The following GNG13 variants were observed in gnomAD, a reference collection of about 807,000 sequenced individuals.
GNG13 encodes the protein guanine nucleotide-binding protein G(I)/G(S)/G(O) subunit gamma-13.
Under a neutral mutation model 8.2 loss-of-function variants are expected in GNG13, and 12 were observed. The observed-to-expected ratio is 1.47, with a 90% CI of 0.94 to 2.38. The LOEUF is 2.38. Among genes scored for constraint, GNG13 ranks in the 30% most tolerant of loss-of-function variants. The probability of loss-of-function intolerance (pLI) is 0.00; values close to 1 mark genes in which losing one functional copy is unlikely to be tolerated. For missense variants in GNG13, 100 were observed against 85.2 expected (o/e 1.17, Z -0.68); for synonymous variants, 45 against 33.0 (o/e 1.37, Z -1.25).
At chr16:800,293 A>T (rs1188369998) in intron 1 of GNG13, among the ~76,000 whole-genome samples, 1 of 152,122 alleles carries the variant, frequency 6.6e-6, no homozygotes, top group Non-Finnish European at 1.5e-5. Context: ...GCGCAGGACT[A>T]GCTGCGTGCG....
rs114889606 is a variant in GNG13, at chr16:800,208, G to C, written c.-35+458C>G. Among the ~76,000 whole-genome samples the C allele has an allele frequency of 7.7e-3, 1,167 of 152,258 alleles. 16 individuals carry two copies. The highest frequency in any genetic ancestry group is 0.027 in the African/African-American group (1,135 of 41,546). On this transcript the variant is annotated intron_variant, in intron 1 of 2. Coordinates refer to ENST00000248150, the MANE Select transcript of GNG13 (RefSeq NM_016541.3). ...CAGAGGATTCCCTCCCGGAGACTCT[G>C]GAGTTCCAGCACCCCTACCCGCCCC...
chr16:798,677 C>G lies in GNG13; in HGVS notation c.*42G>C. ...ACAAGATGGTGGGAGTGGGGCCGGGCGTGGTCTCACAGGATGGTGTGAGAG... is the reference window on the plus strand; with the variant it reads ...ACAAGATGGTGGGAGTGGGGCCGGGGGTGGTCTCACAGGATGGTGTGAGAG... On this transcript the variant is annotated 3_prime_UTR_variant, in exon 3 of 3. Coordinates refer to ENST00000248150, the MANE Select transcript of GNG13 (RefSeq NM_016541.3). 2 of 1,159,132 alleles carry G rather than the reference C, an allele frequency of 1.7e-6. No homozygotes were observed. Among genetic ancestry groups the G allele is most frequent in the Non-Finnish European group, 2.6e-6 (2 of 772,640 alleles). 71.8% of individuals were successfully genotyped at this position (1,159,132 alleles called of 1,614,324 possible). A position where few individuals can be genotyped will look rare whatever the true frequency, so the allele number is the denominator to read the frequency against.
chr16:800,399 C>T (rs2042435894), intron 1 of GNG13, among the ~76,000 whole-genome samples: 1 of 152,172 alleles, frequency 6.6e-6, no homozygotes, highest in Non-Finnish European at 1.5e-5. Context: ...CCTGGCCACC[C>T]ACCCCGTGCA....
Position 798,794 on chromosome 16 carries a change from G to A in GNG13, c.129C>T (p.Pro43=). 2 of 1,612,580 alleles carry A rather than the reference G, an allele frequency of 1.2e-6. No individual in the cohort carries two copies. Among genetic ancestry groups the A allele is most frequent in the Non-Finnish European group, 1.7e-6 (2 of 1,179,130 alleles). ...ELLKWIEDGI[P]KDPFLNPDLM... Reference sequence around the variant, plus strand: ...GGTCGGGGTTCAGGAAGGGGTCCTTGGGGATCCCGTCCTCGATCCACTTCA... The same window carrying A: ...GGTCGGGGTTCAGGAAGGGGTCCTTAGGGATCCCGTCCTCGATCCACTTCA... The change falls in exon 3 of 3, where the codon CCC becomes CCT. Residue 43 remains proline (P), a synonymous_variant. Transcript: ENST00000248150.
intron 1 of GNG13, among the ~76,000 whole-genome samples, chr16:800,074 G>A (rs1400908160): frequency 7.3e-5 from 11 of 150,304 alleles, no homozygotes; most frequent in African/African-American, 2.5e-4. Context: ...TGGGGTCCCG[G>A]TGGTGAATTG....
In GNG13 at chr16:798,151, G is replaced by A; in HGVS notation, c.*568C>T. On this transcript the variant is annotated 3_prime_UTR_variant, in exon 3 of 3. Transcript: ENST00000248150. ...TGGGCTCATAGGATGGTGTGAGTGG[G>A]GCCAGGAGTGGGGCTCACAGGATGG... 1.2e-6 allele frequency: 1 copy of A among 836,594 alleles called. No individual in the cohort carries two copies. The allele number at this position is 836,594 out of a possible 1,614,324, so 51.8% of individuals were successfully genotyped here. A position where few individuals can be genotyped will look rare whatever the true frequency, so the allele number is the denominator to read the frequency against.
chr16:799,494 G>A (rs893649328), intron 1 of GNG13, among the ~76,000 whole-genome samples: 3 of 152,210 alleles, frequency 2.0e-5, no homozygotes, highest in African/African-American at 4.8e-5. Context: ...TGTGGGGCGA[G>A]GTCCTCAGGA....
chr16:799,256 G>C, intron 1 of GNG13, 145 bp from the exon 2 acceptor site: 1 of 603,888 alleles, frequency 1.7e-6, no homozygotes, highest in Non-Finnish European at 3.0e-6. Context: ...CCTAGGCGTT[G>C]CTAGGGTGCA....
Position 798,678 on chromosome 16 carries a change from G to T in GNG13, c.*41C>A. On this transcript the variant is annotated 3_prime_UTR_variant, in exon 3 of 3. Coordinates refer to ENST00000248150, the MANE Select transcript of GNG13 (RefSeq NM_016541.3). ...CAAGATGGTGGGAGTGGGGCCGGGC[G>T]TGGTCTCACAGGATGGTGTGAGAGG... 1 of 1,177,782 alleles carries T rather than the reference G, an allele frequency of 8.5e-7. No homozygotes were observed. The highest frequency in any genetic ancestry group is 1.3e-6 in the Non-Finnish European group (1 of 785,676). 73.0% of individuals were successfully genotyped at this position (1,177,782 alleles called of 1,614,324 possible). A position where few individuals can be genotyped will look rare whatever the true frequency, so the allele number is the denominator to read the frequency against.
rs533668099 is a variant in GNG13, at chr16:799,377, T to C, written c.-34-266A>G. On this transcript the variant is annotated intron_variant, in intron 1 of 2. Transcript: ENST00000248150. ...TACTCCCCCATAGGCCCCCACACCT[T>C]ACGAAGATCCCTTGCAGGCAGGAGA... is the stretch of plus-strand genomic sequence containing the variant. Among the ~76,000 whole-genome samples, 44 of 152,238 alleles carry C rather than the reference T, an allele frequency of 2.9e-4. 1 individual carries two copies. The highest frequency in any genetic ancestry group is 1.0e-3 in the South Asian group (5 of 4,822).
At position 799,017 on chromosome 16, in the gene GNG13, C is replaced by T. The variant is rs766498875; in HGVS notation, c.61G>A (p.Ala21Thr). The change falls in exon 2 of 3, where the codon GCC (alanine) becomes ACC (threonine). Residue 21 changes from alanine to threonine, a missense_variant. By Grantham distance (58) the Ala-to-Thr change is moderately conservative (BLOSUM62 0). Coordinates refer to ENST00000248150, the MANE Select transcript of GNG13 (RefSeq NM_016541.3). ...KEVESLKYQL[A>T]FQREMASKTI... Reference sequence around the variant, plus strand: ...TTGGACGCCATCTCCCGCTGGAAGGCCAGCTGGTACTTGAGGCTCTCCACC... The same window carrying T: ...TTGGACGCCATCTCCCGCTGGAAGGTCAGCTGGTACTTGAGGCTCTCCACC... 8.1e-6 allele frequency: 13 copies of T among 1,611,174 alleles called. No homozygotes were observed. The highest frequency in any genetic ancestry group is 1.1e-5 in the Non-Finnish European group (13 of 1,177,628).
Position 799,234 on chromosome 16 carries a change from C to T in GNG13, c.-34-123G>A, listed in dbSNP as rs1321494693. 1.6e-5 allele frequency: 10 copies of T among 623,606 alleles called. No homozygotes were observed. The East Asian group carries it at 2.2e-4, about 14-fold the overall frequency. 38.6% of individuals were successfully genotyped at this position (623,606 alleles called of 1,614,324 possible). A position where few individuals can be genotyped will look rare whatever the true frequency, so the allele number is the denominator to read the frequency against. ...AAGCGGGGAGAGTCCACACCACTGC[C>T]TGGGCCAGTCCCCTAGGCGTTGCTA... is the stretch of plus-strand genomic sequence containing the variant. On this transcript the variant is annotated intron_variant, in intron 1 of 2. Coordinates refer to ENST00000248150, the MANE Select transcript of GNG13 (RefSeq NM_016541.3).
intron 1 of GNG13, among the ~76,000 whole-genome samples, chr16:799,659 C>T (rs79847278): frequency 2.0e-5 from 3 of 152,166 alleles, no homozygotes; most frequent in African/African-American, 7.2e-5. Flanking sequence ...GGCTATACTA[C>T]CCGAGTCTGG....
At chr16:800,095 C>T (rs540656713) in intron 1 of GNG13, among the ~76,000 whole-genome samples, 54 of 152,198 alleles carry the variant, frequency 3.5e-4, no homozygotes, top group Admixed American at 3.3e-3. Context: ...GGCAGACTCC[C>T]AGCAGCCAGC....
rs1380718750 is a variant in GNG13, at chr16:799,090, T to G, written c.-13A>C. 2 of 1,534,930 alleles carry G rather than the reference T, an allele frequency of 1.3e-6. No individual in the cohort carries two copies. The highest frequency in any genetic ancestry group is 1.8e-6 in the Non-Finnish European group (2 of 1,109,046). On this transcript the variant is annotated 5_prime_UTR_variant, in exon 2 of 3. Coordinates refer to ENST00000248150, the MANE Select transcript of GNG13 (RefSeq NM_016541.3). Reference sequence around the variant, plus strand: ...CCCACTCCTCCATGGGGTCAGGGGCTTCTGAAGCAGCCAGCCTGGGGCTGG... The same window carrying G: ...CCCACTCCTCCATGGGGTCAGGGGCGTCTGAAGCAGCCAGCCTGGGGCTGG...
rs748112904 is a variant in GNG13 at position 798,973 on chromosome 16, C to T, written c.98+7G>A. 6 of 1,549,348 alleles carry T rather than the reference C, an allele frequency of 3.9e-6. No individual in the cohort carries two copies. Among genetic ancestry groups the T allele is most frequent in the Non-Finnish European group, 5.4e-6 (6 of 1,121,446 alleles). On this transcript the variant is annotated splice_region_variant and intron_variant, in intron 2 of 2. Coordinates refer to ENST00000248150, the MANE Select transcript of GNG13 (RefSeq NM_016541.3). The stretch of plus-strand genomic sequence containing the variant: ...TGAGAGGCAAATCAGGCAGGTGGGG[C>T]ACTCACTCGGGGATGGTCTTGGACG...
chr16:798,768 A>C lies in GNG13; in HGVS notation c.155T>G (p.Leu52Arg), dbSNP rs761317031. ...IPKDPFLNPD[L>R]MKNNPWVEKG... is the part of the protein sequence containing the mutation. ...TTCCACCCATGGGTTGTTCTTCATCAGGTCGGGGTTCAGGAAGGGGTCCTT... is the reference window on the plus strand; with the variant it reads ...TTCCACCCATGGGTTGTTCTTCATCCGGTCGGGGTTCAGGAAGGGGTCCTT... The change falls in exon 3 of 3, where the codon CTG (leucine) becomes CGG (arginine). Residue 52 changes from leucine (L) to arginine (R), a missense_variant. Physicochemically the swap from Leu to Arg is moderately radical, Grantham distance 102 (BLOSUM62 -2). Coordinates refer to ENST00000248150, the MANE Select transcript of GNG13 (RefSeq NM_016541.3). 10 of 1,613,244 alleles carry C rather than the reference A, an allele frequency of 6.2e-6. No individual in the cohort carries two copies. The highest frequency in any genetic ancestry group is 8.5e-6 in the Non-Finnish European group (10 of 1,179,684).
chr16:800,027 C>G (rs55659053), intron 1 of GNG13, among the ~76,000 whole-genome samples: 5,037 of 152,210 alleles, frequency 0.033, 213 homozygotes, highest in South Asian at 0.15. Flanking sequence ...TGCAGCTGCA[C>G]CGGCCACCTA....
chr16:799,164 C>CA, intron 1 of GNG13, 53 bp from the exon 2 acceptor site: 2 of 771,006 alleles, frequency 2.6e-6, no homozygotes. Flanking sequence ...CTGTAGTCCC[C>CA]ACCCCCGCTG....
Sources: gnomAD v4.1 joint callset for allele counts (sites outside exome capture counted in the v4.1 genomes callset) on GRCh38, gnomAD v4.1.1 for gene constraint, MANE v1.5 for transcripts, NCBI Gene and HGNC (gene_info 2026-07-23, HGNC 2026-07-21) for gene names.